The following HDAC9 variants were observed in gnomAD, a reference collection of about 807,000 sequenced individuals.
HDAC9 encodes the protein histone deacetylase 9.
Under a neutral mutation model 139.4 loss-of-function variants are expected in HDAC9, and 41 were observed. The ratio of observed to expected loss-of-function variants is 0.29; its 90% CI spans 0.23 to 0.38. HDAC9 has a LOEUF of 0.38. Among genes scored for constraint, HDAC9 ranks in the 10% least tolerant of loss-of-function variants. The probability of loss-of-function intolerance (pLI) is 1.00; values close to 1 mark genes in which losing one functional copy is unlikely to be tolerated. For synonymous variants in HDAC9, 517 were observed against 476.2 expected (o/e 1.09, Z -1.12); for missense variants, 1,147 against 1,297.0 (o/e 0.88, Z 1.78).
rs745579419 is a variant in HDAC9, at chr7:18,629,423, C to G, written c.738C>G (p.Leu246=). ...KVAERRSSPL[L]RRKDGNVVTS... ...CAGAGAGGAGAAGCAGCCCCTTACTCAGGCGGAAGGATGGAAATGTTGTCA... is the reference window on the plus strand; with the variant it reads ...CAGAGAGGAGAAGCAGCCCCTTACTGAGGCGGAAGGATGGAAATGTTGTCA... Residue 246 remains leucine, a synonymous_variant, in exon 7 of 26, where the codon CTC becomes CTG. Coordinates refer to ENST00000686413, the MANE Select transcript of HDAC9 (RefSeq NM_178425.4). The G allele has an allele frequency of 3.7e-6, 6 of 1,611,658 alleles. No individual in the cohort carries two copies. The South Asian group carries it at 5.5e-5, about 15-fold the overall frequency.
At chr7:18,672,717 T>C (rs969817905) in intron 12 of HDAC9, among the ~76,000 whole-genome samples, 4 of 152,098 alleles carry the variant, frequency 2.6e-5, no homozygotes, top group African/African-American at 9.6e-5. Flanking sequence ...CTTTGATCCA[T>C]TTTGTGTCAT....
chr7:18,489,159 A>G (rs1014674589), intron 1 of HDAC9, among the ~76,000 whole-genome samples: 1 of 152,062 alleles, frequency 6.6e-6, no homozygotes, highest in African/African-American at 2.4e-5. Flanking sequence ...ATTGAGTGAC[A>G]TACTATGTGC....
chr7:18,821,301 C>T (rs1794950932), intron 17 of HDAC9, among the ~76,000 whole-genome samples: 1 of 152,162 alleles, frequency 6.6e-6, no homozygotes, highest in African/African-American at 2.4e-5. Context: ...TAAACCAGAA[C>T]ACAGAGGAAC....
intron 2 of HDAC9, among the ~76,000 whole-genome samples, chr7:18,221,155 T>A (rs1206721140): frequency 6.7e-6 from 1 of 149,662 alleles, no homozygotes; most frequent in Non-Finnish European, 1.5e-5. Context: ...CAGGCTGGAG[T>A]ACAGTGGTGC....
chr7:18,977,819 T>G (rs755881421), intron 25 of HDAC9, among the ~76,000 whole-genome samples: 5 of 152,018 alleles, frequency 3.3e-5, no homozygotes, highest in Non-Finnish European at 7.4e-5. Context: ...GGCTTTGAAC[T>G]GAACTCCCTT....
intron 1 of HDAC9, among the ~76,000 whole-genome samples, chr7:18,290,916 T>C (rs188967419): frequency 2.0e-5 from 3 of 152,328 alleles, no homozygotes; most frequent in Admixed American, 2.0e-4. Flanking sequence ...TCTTCTGTTG[T>C]CTTCTTTGTG....
chr7:18,775,359 A>T (rs1054869138), intron 16 of HDAC9, among the ~76,000 whole-genome samples: 11 of 152,106 alleles, frequency 7.2e-5, no homozygotes, highest in African/African-American at 2.7e-4. Context: ...AATTTGTAAA[A>T]AATCAAAGTA....
intron 24 of HDAC9, among the ~76,000 whole-genome samples, chr7:18,961,970 TTTAAG>T (rs1421663225): frequency 4.6e-5 from 7 of 152,174 alleles, no homozygotes; most frequent in Non-Finnish European, 8.8e-5. Context: ...TTAGACAAAA[TTTAAG>T]TTAAGTTAAA....
chr7:18,175,136 T>C (rs1040075738), intron 2 of HDAC9, among the ~76,000 whole-genome samples: 1 of 151,958 alleles, frequency 6.6e-6, no homozygotes, highest in African/African-American at 2.4e-5. Context: ...CTGAGCACTT[T>C]GTTTATCTAC....
chr7:18,186,392 GT>G (rs1198029977), intron 2 of HDAC9, among the ~76,000 whole-genome samples: 1 of 152,266 alleles, frequency 6.6e-6, no homozygotes, highest in Non-Finnish European at 1.5e-5. Context: ...CACTGCTGGT[GT>G]TGGCATGTGC....
intron 1 of HDAC9, among the ~76,000 whole-genome samples, chr7:18,320,055 C>T (rs1429222529): frequency 3.3e-5 from 5 of 152,186 alleles, no homozygotes; most frequent in Admixed American, 6.5e-5. Flanking sequence ...CAACTTACTT[C>T]AGCACCTGCT....
chr7:18,607,497 C>T (rs1835853233), intron 6 of HDAC9, among the ~76,000 whole-genome samples: 1 of 152,174 alleles, frequency 6.6e-6, no homozygotes, highest in Non-Finnish European at 1.5e-5. Context: ...CAAAAATATA[C>T]TGCCCAGTAC....
At chr7:18,871,609 T>C (rs1243928277) in intron 21 of HDAC9, among the ~76,000 whole-genome samples, 2 of 152,196 alleles carry the variant, frequency 1.3e-5, no homozygotes, top group Non-Finnish European at 2.9e-5. Context: ...CTAACTTTAA[T>C]CAGAAATCCC....
chr7:18,988,598 G>T (rs2129347416), intron 25 of HDAC9, among the ~76,000 whole-genome samples: 1 of 152,282 alleles, frequency 6.6e-6, no homozygotes, highest in Middle Eastern at 3.4e-3. Flanking sequence ...GCAGAGCTGA[G>T]TTCAATTCCT....
At chr7:18,971,703 A>G (rs958380720) in intron 24 of HDAC9, among the ~76,000 whole-genome samples, 3 of 152,238 alleles carry the variant, frequency 2.0e-5, no homozygotes, top group African/African-American at 7.2e-5. Flanking sequence ...GTTTTTATAG[A>G]CTTTGCCAGA....
chr7:18,876,304 A>G lies in HDAC9; in HGVS notation c.2803+1708A>G, dbSNP rs932111874. On this transcript the variant is annotated intron_variant, in intron 22 of 25. Transcript: ENST00000686413. ...GTTCCATCTCAGAATCAGTTTGTCT[A>G]GAATGCCTCCAACTCCCCTCCCCTC... Among the ~76,000 whole-genome samples, 5 of 152,206 alleles carry G rather than the reference A, an allele frequency of 3.3e-5. No homozygotes were observed. The South Asian group carries it at 6.2e-4, about 19-fold the overall frequency.
intron 1 of HDAC9, among the ~76,000 whole-genome samples, chr7:18,478,058 A>G (rs1020650932): frequency 6.6e-6 from 1 of 151,938 alleles, no homozygotes; most frequent in African/African-American, 2.4e-5. Context: ...TTAGGAAAAA[A>G]CAAACAAACA....
At chr7:18,784,108 T>G (rs955900480) in intron 16 of HDAC9, among the ~76,000 whole-genome samples, 1 of 140,180 alleles carries the variant, frequency 7.1e-6, no homozygotes, top group African/African-American at 2.7e-5. Context: ...TATATTCGAG[T>G]CTTTCTGGGT....
At chr7:18,588,985 A>T (rs1438532644) in intron 3 of HDAC9, among the ~76,000 whole-genome samples, 2 of 152,166 alleles carry the variant, frequency 1.3e-5, no homozygotes, top group Non-Finnish European at 2.9e-5. Context: ...GTAGGGTTCA[A>T]ACTTAAAAAC....
Sources: allele counts gnomAD v4.1 joint callset (sites outside exome capture counted in the v4.1 genomes callset), GRCh38; gene constraint gnomAD v4.1.1; transcripts MANE v1.5; gene names NCBI Gene and HGNC (gene_info 2026-07-23, HGNC 2026-07-21).